Variants in TLE1 observed in about 807,000 individuals in gnomAD.
The protein encoded by TLE1 is transducin-like enhancer protein 1.
TLE1 carries 21 observed loss-of-function variants against 89.8 expected under a neutral mutation model. The observed-to-expected ratio is 0.23, with a 90% CI of 0.17 to 0.34. The LOEUF is 0.34. TLE1 is among the 10% of genes least tolerant of loss of function. TLE1 has a pLI of 1.00. For missense variants in TLE1, 795 were observed against 1,031.2 expected, an observed-to-expected ratio of 0.77 and a Z score of 3.14; for synonymous variants, 447 against 407.6, an observed-to-expected ratio of 1.10 and a Z score of -1.16.
At chr9:81,677,247 A>C (rs1317687122) in intron 4 of TLE1, among the ~76,000 whole-genome samples, 1 of 149,826 alleles carries the variant, frequency 6.7e-6, no homozygotes, top group African/African-American at 2.5e-5. Context: ...CCCCCCCCCA[A>C]AAAAAAGACC....
At chr9:81,615,081 C>CAAAAAAAAAAAAAA (rs34947337) in intron 11 of TLE1, among the ~76,000 whole-genome samples, 4 of 25,094 alleles carry the variant, frequency 1.6e-4, no homozygotes, top group Non-Finnish European at 2.7e-4. Context: ...GACTCCATCT[C>CAAAAAAAAAAAAAA]AAAAAAAAAA....
intron 6 of TLE1, among the ~76,000 whole-genome samples, chr9:81,640,457 A>T (rs1045121231): frequency 9.2e-5 from 14 of 152,148 alleles, no homozygotes; most frequent in African/African-American, 3.4e-4. Context: ...ACACTGGGAA[A>T]TTTTACATAC....
At chr9:81,596,814 G>A (rs765705505) in intron 14 of TLE1, among the ~76,000 whole-genome samples, 4 of 152,198 alleles carry the variant, frequency 2.6e-5, no homozygotes, top group Non-Finnish European at 5.9e-5. Flanking sequence ...CAATGATCCT[G>A]CTCTGTTCCT....
intron 6 of TLE1, among the ~76,000 whole-genome samples, 197 bp downstream of exon 6, chr9:81,652,017 T>TGCTA (rs1396745065): frequency 6.6e-6 from 1 of 151,838 alleles, no homozygotes; most frequent in East Asian, 1.9e-4. Flanking sequence ...ATCTTCCTTA[T>TGCTA]GCTAAGCCCT....
At chr9:81,661,393 G>A (rs1830780608) in intron 4 of TLE1, among the ~76,000 whole-genome samples, 1 of 151,846 alleles carries the variant, frequency 6.6e-6, no homozygotes. Context: ...CATAATGAGT[G>A]CTGTTTGAAG....
chr9:81,587,828 C>G lies in TLE1; in HGVS notation c.1830G>C (p.Arg610Ser). The G allele has an allele frequency of 6.2e-7, 1 of 1,613,134 alleles. No homozygotes were observed. Among genetic ancestry groups the G allele is most frequent in the Non-Finnish European group, 8.5e-7 (1 of 1,179,766 alleles). The change falls in exon 17 of 20, where the codon AGG becomes AGC. Residue 610 changes from arginine to serine, a missense_variant and splice_region_variant. Around this residue, in one of 4 missense-constraint regions of TLE1, gnomAD observed 214 missense variants for 354.9 expected, o/e 0.60. Coordinates refer to ENST00000376499, the MANE Select transcript of TLE1 (RefSeq NM_005077.5). Reference protein sequence around the residue: ...VWDLHNQTLVRQFQGHTDGAS... With the variant: ...VWDLHNQTLVSQFQGHTDGAS... ...CTCCGTCTGTGTGGCCCTGGAATTGCCTGATAAAACAAACCAGATTGAATA... is the reference window on the plus strand; with the variant it reads ...CTCCGTCTGTGTGGCCCTGGAATTGGCTGATAAAACAAACCAGATTGAATA...
chr9:81,585,737 T>C (rs1378599685), intron 17 of TLE1, 82 bp from the exon 18 acceptor site: 11 of 1,524,294 alleles, frequency 7.2e-6, no homozygotes, highest in African/African-American at 5.5e-5. Context: ...AGTGGGGAAA[T>C]AGCAAGAATG....
At chr9:81,659,533 A>C (rs1017130969) in intron 4 of TLE1, among the ~76,000 whole-genome samples, 4 of 152,194 alleles carry the variant, frequency 2.6e-5, no homozygotes, top group Admixed American at 2.6e-4. Context: ...AAATGTAAGC[A>C]GCAGGATGAA....
chr9:81,667,385 C>CAAAAAAAAAAAAAAAAAAAAGAAAA, intron 4 of TLE1, among the ~76,000 whole-genome samples: 1 of 89,868 alleles, frequency 1.1e-5, no homozygotes, highest in Non-Finnish European at 2.2e-5. Context: ...CAGACTGTCT[C>CAAAAAAAAAAAAAAAAAAAAGAAAA]AAAAAAAAAA....
At chr9:81,610,786 G>T (rs1284924519) in intron 13 of TLE1, among the ~76,000 whole-genome samples, 1 of 116,500 alleles carries the variant, frequency 8.6e-6, no homozygotes, top group African/African-American at 3.3e-5. Context: ...AGTGTCTCCA[G>T]ATATTATCAA....
chr9:81,637,644 C>CTTT (rs11375860), intron 6 of TLE1, among the ~76,000 whole-genome samples: 13 of 138,704 alleles, frequency 9.4e-5, no homozygotes, highest in African/African-American at 1.9e-4. Flanking sequence ...ATGAAAGTTT[C>CTTT]TTTTTTTTTT....
At chr9:81,667,841 G>T (rs1382014228) in intron 4 of TLE1, among the ~76,000 whole-genome samples, 1 of 152,062 alleles carries the variant, frequency 6.6e-6, no homozygotes, top group Non-Finnish European at 1.5e-5. Context: ...AACCTGCAAT[G>T]TTCCGCAACT....
At chr9:81,631,110 A>T (rs926216581) in intron 8 of TLE1, among the ~76,000 whole-genome samples, 1 of 152,234 alleles carries the variant, frequency 6.6e-6, no homozygotes, top group African/African-American at 2.4e-5. Flanking sequence ...ACATAAATCC[A>T]CATTTGAACT....
intron 17 of TLE1, 44 bp downstream of exon 17, chr9:81,587,637 A>G: frequency 6.4e-7 from 1 of 1,568,278 alleles, no homozygotes; most frequent in Non-Finnish European, 8.6e-7. Flanking sequence ...GACACACCCC[A>G]GCCACCTCCC....
intron 6 of TLE1, among the ~76,000 whole-genome samples, chr9:81,642,380 A>G (rs1343861951): frequency 6.6e-6 from 1 of 152,062 alleles, no homozygotes; most frequent in Non-Finnish European, 1.5e-5. Context: ...TTCTGGGTAT[A>G]TATCTAAAGA....
chr9:81,644,930 G>C (rs572582287), intron 6 of TLE1, among the ~76,000 whole-genome samples: 1 of 147,074 alleles, frequency 6.8e-6, no homozygotes, highest in East Asian at 2.1e-4. Context: ...GGAAGCGGAG[G>C]TTGCAGTGAG....
At chr9:81,592,337 G>A (rs1016019359) in intron 15 of TLE1, among the ~76,000 whole-genome samples, 8 of 152,220 alleles carry the variant, frequency 5.3e-5, no homozygotes, top group African/African-American at 1.9e-4. Flanking sequence ...CAGCCTGGGC[G>A]ACAGAGCAAG....
intron 12 of TLE1, among the ~76,000 whole-genome samples, chr9:81,612,686 T>C (rs1203523489): frequency 6.6e-6 from 1 of 152,108 alleles, no homozygotes; most frequent in Non-Finnish European, 1.5e-5. Flanking sequence ...AGACGCACAA[T>C]GCTAGTTAGG....
intron 6 of TLE1, among the ~76,000 whole-genome samples, chr9:81,638,291 A>C (rs1827663918): frequency 6.6e-6 from 1 of 152,222 alleles, no homozygotes; most frequent in African/African-American, 2.4e-5. Context: ...AGAAGAATCA[A>C]GCCTAACAGT....
Sources: allele counts gnomAD v4.1 joint callset (sites outside exome capture counted in the v4.1 genomes callset), GRCh38; gene constraint gnomAD v4.1.1; regional missense constraint gnomAD v4.1.1; transcripts MANE v1.5; gene names NCBI Gene and HGNC (gene_info 2026-07-23, HGNC 2026-07-21).